The following CEMIP variants were observed in gnomAD, a reference collection of about 807,000 sequenced individuals.
The protein encoded by CEMIP is cell migration-inducing and hyaluronan-binding protein.
Under a neutral mutation model 156.9 loss-of-function variants are expected in CEMIP, and 105 were observed. That is an observed-to-expected ratio of 0.67 (90% CI 0.57 to 0.79). The LOEUF (loss-of-function observed/expected upper bound fraction) is 0.79, where lower values mean the gene tolerates loss of function less well. Ranked by LOEUF, CEMIP falls within the 30% of genes least tolerant of loss-of-function variation. CEMIP has a pLI of 0.00. For missense variants in CEMIP, 1,457 were observed against 1,769.4 expected, an observed-to-expected ratio of 0.82 and a Z score of 3.17; for synonymous variants, 676 against 668.4, an observed-to-expected ratio of 1.01 and a Z score of -0.17.
intron 1 of CEMIP, among the ~76,000 whole-genome samples, chr15:80,857,499 A>G (rs1897881811): frequency 6.6e-6 from 1 of 152,200 alleles, no homozygotes; most frequent in Non-Finnish European, 1.5e-5. Context: ...AGAGATGCAC[A>G]GAAGCCAGCA....
intron 1 of CEMIP, among the ~76,000 whole-genome samples, chr15:80,782,452 C>T (rs981838646): frequency 2.0e-5 from 3 of 152,182 alleles, no homozygotes; most frequent in East Asian, 1.9e-4. Flanking sequence ...GAGCAGTGAG[C>T]ACTTATTTGA....
chr15:80,826,417 G>A (rs17228225), intron 1 of CEMIP, among the ~76,000 whole-genome samples: 36,237 of 152,054 alleles, frequency 0.24, 4,496 homozygotes, highest in South Asian at 0.36. Context: ...GAATAAGCTG[G>A]TCAGTACCAA....
At chr15:80,805,966 A>G (rs1020100786) in intron 1 of CEMIP, among the ~76,000 whole-genome samples, 6 of 152,222 alleles carry the variant, frequency 3.9e-5, no homozygotes, top group African/African-American at 1.4e-4. Flanking sequence ...TGGTTGCTTT[A>G]AAAGGAAATC....
At chr15:80,802,402 G>T (rs562940436) in intron 1 of CEMIP, among the ~76,000 whole-genome samples, 4 of 152,280 alleles carry the variant, frequency 2.6e-5, no homozygotes, top group African/African-American at 9.6e-5. Context: ...CTTCAGCTGG[G>T]CGTGGGCAGG....
At chr15:80,810,590 T>C (rs11072945) in intron 1 of CEMIP, among the ~76,000 whole-genome samples, 98,701 of 152,058 alleles carry the variant, frequency 0.65, 32,185 homozygotes, top group Middle Eastern at 0.74. Context: ...CTCCTGACCT[T>C]GTGATCCGCC....
At chr15:80,850,964 G>A (rs1028411444) in intron 1 of CEMIP, among the ~76,000 whole-genome samples, 1 of 152,220 alleles carries the variant, frequency 6.6e-6, no homozygotes, top group Admixed American at 6.5e-5. Context: ...AGCTGATGGG[G>A]CTGCTGACTG....
chr15:80,887,472 A>G (rs1299743757), intron 7 of CEMIP, among the ~76,000 whole-genome samples: 1 of 152,216 alleles, frequency 6.6e-6, no homozygotes, highest in African/African-American at 2.4e-5. Flanking sequence ...GGGAGCAAAC[A>G]TCAGGCAGGC....
chr15:80,879,617 G>A (rs1383354513), intron 4 of CEMIP, 99 bp from the exon 5 acceptor site: 18 of 1,402,098 alleles, frequency 1.3e-5, no homozygotes, highest in East Asian at 2.3e-5. Flanking sequence ...TGCCTGCCCC[G>A]GTGAGATGGG....
intron 1 of CEMIP, among the ~76,000 whole-genome samples, chr15:80,866,689 G>A (rs1898137597): frequency 1.3e-5 from 2 of 151,452 alleles, no homozygotes; most frequent in Non-Finnish European, 1.5e-5. Context: ...GGGAGGCTGA[G>A]GCAGGAGAAT....
intron 1 of CEMIP, among the ~76,000 whole-genome samples, chr15:80,839,412 G>A (rs1190967511): frequency 1.3e-5 from 2 of 152,040 alleles, no homozygotes; most frequent in African/African-American, 4.8e-5. Context: ...AAGTGGGGGA[G>A]GGAGAAGTGT....
chr15:80,791,770 T>C (rs1278446484), intron 1 of CEMIP, among the ~76,000 whole-genome samples: 1 of 152,204 alleles, frequency 6.6e-6, no homozygotes, highest in African/African-American at 2.4e-5. Context: ...CATGAATTCT[T>C]GGACACATTT....
chr15:80,937,108 C>T, intron 24 of CEMIP, among the ~76,000 whole-genome samples: 1 of 152,220 alleles, frequency 6.6e-6, no homozygotes, highest in East Asian at 1.9e-4. Context: ...CCTCTTGAGC[C>T]TGAGCTCCTT....
rs374823660 is a variant in CEMIP at position 80,943,030 on chromosome 15, C to T, written c.3785C>T (p.Thr1262Met). The T allele has an allele frequency of 8.7e-6, 14 of 1,614,106 alleles. No homozygotes were observed. Among genetic ancestry groups the T allele is most frequent in the South Asian group, 2.2e-5 (2 of 91,090 alleles). The change falls in exon 28 of 30, where the codon ACG becomes ATG. Residue 1262 changes from threonine (T) to methionine (M), a missense_variant. Thr to Met is a moderately conservative substitution (Grantham distance 81). Transcript: ENST00000394685. ...DGNQGRVVSH[T>M]SFRNSILQGI... Reference sequence around the variant, plus strand: ...AACCAAGGGCGCGTGGTGAGCCACACGAGCTTCAGGAACTCCATTCTGCAA... The same window carrying T: ...AACCAAGGGCGCGTGGTGAGCCACATGAGCTTCAGGAACTCCATTCTGCAA...
intron 1 of CEMIP, among the ~76,000 whole-genome samples, chr15:80,790,779 G>A (rs536344118): frequency 7.2e-5 from 11 of 152,308 alleles, no homozygotes; most frequent in East Asian, 1.9e-4. Context: ...ATTGTAACCC[G>A]AATGCACTCA....
rs1901358838 is a variant in CEMIP at position 80,942,041 on chromosome 15, T to C, written c.3600T>C (p.Phe1200=). 1 of 1,613,306 alleles carries C rather than the reference T, an allele frequency of 6.2e-7. No individual in the cohort carries two copies. The highest frequency in any genetic ancestry group is 1.3e-5 in the African/African-American group (1 of 74,864). Residue 1200 remains phenylalanine, a synonymous_variant, in exon 26 of 30, where the codon TTT becomes TTC. Transcript: ENST00000394685. ...VVDVPMPKKL[F]GSQLKTKDHF... ...ACGTGCCGATGCCCAAGAAGCTCTT[T>C]GGTTCTCAGCTGGTGAGTGGCTGAG...
At chr15:80,825,442 C>T (rs1028513222) in intron 1 of CEMIP, among the ~76,000 whole-genome samples, 1 of 152,150 alleles carries the variant, frequency 6.6e-6, no homozygotes, top group African/African-American at 2.4e-5. Flanking sequence ...CCCTTTCCCC[C>T]ACCCTCGGTG....
At chr15:80,784,726 G>T (rs985454147) in intron 1 of CEMIP, among the ~76,000 whole-genome samples, 1 of 152,126 alleles carries the variant, frequency 6.6e-6, no homozygotes, top group Non-Finnish European at 1.5e-5. Flanking sequence ...AACTCACAGG[G>T]GCACGTGTTA....
At position 80,932,835 on chromosome 15, in the gene CEMIP, T is replaced by C. The variant is rs551212678; in HGVS notation, c.2794-410T>C. 1.8e-4 allele frequency among the ~76,000 whole-genome samples: 27 copies of C among 152,160 alleles called. No homozygotes were observed. The highest frequency in any genetic ancestry group is 2.6e-4 in the Non-Finnish European group (18 of 68,016). On this transcript the variant is annotated intron_variant, in intron 22 of 29. Transcript: ENST00000394685. The surrounding 1 kb of genome is among the most constrained non-coding windows in gnomAD (Gnocchi z 4.5). ...TCGCACACGGATGCCCCCGTGTATG[T>C]GTGTGTGTATGTGTAAAAGTGTGTG...
chr15:80,938,748 T>C (rs769303002), intron 25 of CEMIP, among the ~76,000 whole-genome samples: 1 of 152,202 alleles, frequency 6.6e-6, no homozygotes, highest in Non-Finnish European at 1.5e-5. Flanking sequence ...AATAGAGATA[T>C]AATGAAAACA....
Sources: allele counts gnomAD v4.1 joint callset (sites outside exome capture counted in the v4.1 genomes callset), GRCh38; gene constraint gnomAD v4.1.1; non-coding constraint Gnocchi (gnomAD v3.1); transcripts MANE v1.5; gene names NCBI Gene and HGNC (gene_info 2026-07-23, HGNC 2026-07-21).